TM2D3: variants seen among roughly 807,000 people sequenced by gnomAD.
TM2D3 encodes the protein TM2 domain-containing protein 3.
A neutral mutation model predicts 27.3 loss-of-function variants in TM2D3; 33 were observed. That is an observed-to-expected ratio of 1.21 (90% CI 0.92 to 1.61). The LOEUF (loss-of-function observed/expected upper bound fraction) is 1.61. Ranked by LOEUF, TM2D3 falls within the 40% of genes most tolerant of loss-of-function variation. The pLI is 0.00. For missense variants in TM2D3, 364 were observed against 320.8 expected (o/e 1.13, Z -1.03); for synonymous variants, 138 against 122.2 (o/e 1.13, Z -0.85).
rs1238417303 is a variant in TM2D3, at chr15:101,646,765, G to A, written c.462C>T (p.Tyr154=). ...GGTCCCGCACCGTGCAGTTGGCAGG[G>A]TAGCGCTGCCGAGGACAGGACACCG... is the stretch of plus-strand genomic sequence containing the variant. ...CMTVSCPRQR[Y]PANCTVRDHV... The change falls in exon 4 of 6, where the codon TAC becomes TAT. Residue 154 remains tyrosine, a synonymous_variant. Transcript: ENST00000333202. 1.2e-6 allele frequency: 2 copies of A among 1,614,114 alleles called. No homozygotes were observed. The highest frequency in any genetic ancestry group is 1.3e-5 in the African/African-American group (1 of 74,932).
intron 4 of TM2D3, chr15:101,636,271 A>G (rs1053700015): frequency 1.4e-5 from 2 of 147,152 alleles, no homozygotes; most frequent in African/African-American, 5.3e-5. Flanking sequence ...ATAGACAGAT[A>G]GGCTCTCCAA....
downstream of TM2D3, among the ~76,000 whole-genome samples, chr15:101,640,842 T>G (rs1165899501): frequency 1.3e-5 from 2 of 152,246 alleles, no homozygotes; most frequent in Non-Finnish European, 2.9e-5. Flanking sequence ...CAAGTTCATT[T>G]ATGCCTCCTT....
At chr15:101,643,634 A>G (rs1896728911) in intron 5 of TM2D3, among the ~76,000 whole-genome samples, 2 of 149,910 alleles carry the variant, frequency 1.3e-5, no homozygotes, top group Admixed American at 6.6e-5. Context: ...CAAAAAAAAA[A>G]AAAAACCATG....
downstream of TM2D3, among the ~76,000 whole-genome samples, chr15:101,638,680 TC>T (rs1212012024): frequency 6.6e-6 from 1 of 152,174 alleles, no homozygotes. Flanking sequence ...TAATTTTTTT[TC>T]CCTGTATTCA....
chr15:101,642,767 TG>T, intron 5 of TM2D3, 123 bp from the exon 6 acceptor site: 1 of 705,086 alleles, frequency 1.4e-6, no homozygotes, highest in Non-Finnish European at 2.1e-6. Context: ...AGCCCTTAAC[TG>T]GAACACAAGT....
intron 2 of TM2D3, 107 bp from the exon 3 acceptor site, chr15:101,650,268 C>T (rs555996609): frequency 2.6e-6 from 3 of 1,146,634 alleles, no homozygotes; most frequent in South Asian, 3.3e-5. Flanking sequence ...AGACACTGCA[C>T]TGGAAGGGAA....
intron 3 of TM2D3, among the ~76,000 whole-genome samples, chr15:101,648,864 T>C (rs1896891035): frequency 6.6e-6 from 1 of 152,238 alleles, no homozygotes; most frequent in Non-Finnish European, 1.5e-5. Flanking sequence ...CATCCATGTA[T>C]AATGATATCT....
intron 4 of TM2D3, chr15:101,634,695 A>G (rs1385032889): frequency 1.3e-5 from 2 of 152,232 alleles, no homozygotes; most frequent in African/African-American, 4.8e-5. Context: ...TGTGAGCCAT[A>G]AAGCAAATCA....
downstream of TM2D3, among the ~76,000 whole-genome samples, chr15:101,637,170 G>C (rs532291248): frequency 6.6e-6 from 1 of 152,334 alleles, no homozygotes; most frequent in East Asian, 1.9e-4. Flanking sequence ...TTTCTAATTG[G>C]CAATTGGTTG....
At chr15:101,634,977 A>G (rs1433419068) in intron 4 of TM2D3, 4 of 152,138 alleles carry the variant, frequency 2.6e-5, no homozygotes, top group East Asian at 1.9e-4. Context: ...TGGGCAACAT[A>G]GTGGGACCCT....
At chr15:101,647,077 G>A (rs1896833882) in intron 3 of TM2D3, among the ~76,000 whole-genome samples, 178 bp from the exon 4 acceptor site, 1 of 152,100 alleles carries the variant, frequency 6.6e-6, no homozygotes, top group Non-Finnish European at 1.5e-5. Flanking sequence ...TGCCTATGAT[G>A]TGACCTCATA....
chr15:101,651,912 A>T, intron 1 of TM2D3, 139 bp from the exon 2 acceptor site: 1 of 864,934 alleles, frequency 1.2e-6, no homozygotes, highest in South Asian at 1.4e-5. Context: ...GCCAGAAAAC[A>T]CAAAGCTTAG....
intron 3 of TM2D3, among the ~76,000 whole-genome samples, 176 bp from the exon 4 acceptor site, chr15:101,647,075 A>C (rs1896833771): frequency 6.6e-6 from 1 of 152,234 alleles, no homozygotes; most frequent in Admixed American, 6.5e-5. Flanking sequence ...AATGCCTATG[A>C]TGTGACCTCA....
Position 101,641,867 on chromosome 15 carries a change from A to G in TM2D3, c.*612T>C. ...ACAGTATTTCTTAACTTGCAATTTT[A>G]TTAATTTTTCAGTACTCTTACCTTT... is the stretch of plus-strand genomic sequence containing the variant. On this transcript the variant is annotated 3_prime_UTR_variant, in exon 6 of 6. Transcript: ENST00000333202. 1 of 936,456 alleles carries G rather than the reference A, an allele frequency of 1.1e-6. No homozygotes were observed. 58.0% of individuals were successfully genotyped at this position (936,456 alleles called of 1,614,324 possible). A position where few individuals can be genotyped will look rare whatever the true frequency, so the allele number is the denominator to read the frequency against.
exon 5 of TM2D3, chr15:101,633,495 TC>T (rs1896491532): frequency 2.0e-6 from 1 of 491,180 alleles, no homozygotes; most frequent in Non-Finnish European, 3.6e-6. Flanking sequence ...GGCCCTCAGA[TC>T]CCGAAGGACA....
chr15:101,646,831 A>G lies in TM2D3; in HGVS notation c.396T>C (p.Pro132=). The change falls in exon 4 of 6, where the codon CCT becomes CCC. Residue 132 remains proline, a synonymous_variant. Coordinates refer to ENST00000333202, the MANE Select transcript of TM2D3 (RefSeq NM_078474.3). ...AGTTGGTACACTCGTAATCTGTTTC[A>G]GGAAGCTGCCAGCAAAATCTGCAAG... The part of the protein sequence containing the change: ...NMTCRFCWQL[P]ETDYECTNST... 1 of 1,614,236 alleles carries G rather than the reference A, an allele frequency of 6.2e-7. No homozygotes were observed. The highest frequency in any genetic ancestry group is 8.5e-7 in the Non-Finnish European group (1 of 1,180,026).
chr15:101,636,935 CTGTAAAATATT>C (rs754020459), downstream of TM2D3: 1 of 436,638 alleles, frequency 2.3e-6, no homozygotes. Flanking sequence ...GAGTCCAACT[CTGTAAAATATT>C]TGAAGAGATT....
At chr15:101,651,906 G>A (rs1896986768) in intron 1 of TM2D3, 133 bp from the exon 2 acceptor site, 8 of 898,402 alleles carry the variant, frequency 8.9e-6, no homozygotes, top group East Asian at 4.8e-5. Context: ...TGGTCAGCCA[G>A]AAAACACAAA....
At chr15:101,634,187 A>C (rs1896507013) in intron 4 of TM2D3, 1 of 152,804 alleles carries the variant, frequency 6.5e-6, no homozygotes, top group African/African-American at 2.4e-5. Flanking sequence ...TAATCCCAGC[A>C]CTTTGGGAGG....
Sources: gnomAD v4.1 joint callset for allele counts (sites outside exome capture counted in the v4.1 genomes callset) on GRCh38, gnomAD v4.1.1 for gene constraint, MANE v1.5 for transcripts, NCBI Gene and HGNC (gene_info 2026-07-23, HGNC 2026-07-21) for gene names.